Variants in RBFOX1 observed in about 807,000 individuals in gnomAD.
The protein encoded by RBFOX1 is RNA binding protein fox-1 homolog 1.
In RBFOX1, 8 loss-of-function variants were observed where a neutral mutation model predicts 57.7. The observed-to-expected ratio is 0.14, with a 90% confidence interval of 0.08 to 0.25. The LOEUF (loss-of-function observed/expected upper bound fraction) is 0.25. Ranked by LOEUF, RBFOX1 falls within the 10% of genes least tolerant of loss-of-function variation. The pLI is 1.00. For missense variants in RBFOX1, 611 were observed against 548.5 expected (o/e 1.11, Z -1.14); for synonymous variants, 326 against 222.4 (o/e 1.47, Z -4.15).
At chr16:7,218,627 G>GCT (rs774329405) in intron 4 of RBFOX1, among the ~76,000 whole-genome samples, 17,781 of 79,070 alleles carry the variant, frequency 0.22, 2,486 homozygotes, top group African/African-American at 0.44. Context: ...GTGGGGGTTT[G>GCT]CTGTGTGTGT....
intron 1 of RBFOX1, among the ~76,000 whole-genome samples, chr16:5,424,875 T>TTTTCTTTCTTTC (rs71142619): frequency 1.9e-3 from 144 of 76,888 alleles, no homozygotes; most frequent in Middle Eastern, 5.2e-3. Context: ...TCTTTCTTTT[T>TTTTCTTTCTTTC]TTTCTTTCTT....
At chr16:6,591,810 C>T (rs2097715250) in intron 2 of RBFOX1, among the ~76,000 whole-genome samples, 1 of 152,170 alleles carries the variant, frequency 6.6e-6, no homozygotes, top group Admixed American at 6.5e-5. Context: ...TAACAAACCT[C>T]ACTTTTTAAA....
At position 7,007,244 on chromosome 16, in the gene RBFOX1, G is replaced by A. The variant is rs79831884; in HGVS notation, c.-15-44813G>A. Among the ~76,000 whole-genome samples the A allele has an allele frequency of 6.8e-3, 1,030 of 152,210 alleles. 13 individuals are homozygous for A. The highest frequency in any genetic ancestry group is 0.023 in the African/African-American group (971 of 41,514). On this transcript the variant is annotated intron_variant, in intron 3 of 15. Transcript: ENST00000550418. ...GCAGAAGGGCTTCTCTTAGATCCTG[G>A]GAGCTTTTTACGTCCTTTTGTGAAG...
intron 1 of RBFOX1, among the ~76,000 whole-genome samples, chr16:6,157,281 A>C (rs2096845159): frequency 6.6e-6 from 1 of 152,226 alleles, no homozygotes. Context: ...ACAGGTGGCC[A>C]AGGTAAGCCC....
At chr16:7,593,233 T>C (rs980545945) in intron 7 of RBFOX1, among the ~76,000 whole-genome samples, 2 of 152,258 alleles carry the variant, frequency 1.3e-5, no homozygotes, top group Admixed American at 1.3e-4. Flanking sequence ...GGGATTCTAA[T>C]CCAGTGGATA....
At chr16:7,707,370 T>G (rs1568597557) in intron 14 of RBFOX1, among the ~76,000 whole-genome samples, 6 of 151,962 alleles carry the variant, frequency 3.9e-5, no homozygotes. Flanking sequence ...CTACCAACCA[T>G]GAGAAAGCTT....
intron 2 of RBFOX1, among the ~76,000 whole-genome samples, chr16:5,527,231 C>G (rs868379486): frequency 1.3e-5 from 2 of 152,158 alleles, no homozygotes; most frequent in Admixed American, 1.3e-4. Flanking sequence ...GCGATGGGCC[C>G]TGGGAATTCC....
intron 3 of RBFOX1, among the ~76,000 whole-genome samples, chr16:5,718,481 T>A (rs942545622): frequency 6.6e-6 from 1 of 152,260 alleles, no homozygotes; most frequent in African/African-American, 2.4e-5. Context: ...TCTCTTTAGA[T>A]GTGAGCTCCA....
At chr16:6,764,922 G>C (rs767930764) in intron 3 of RBFOX1, among the ~76,000 whole-genome samples, 1 of 152,034 alleles carries the variant, frequency 6.6e-6, no homozygotes, top group Non-Finnish European at 1.5e-5. Flanking sequence ...GGATGACAGA[G>C]CAAGACTGTT....
intron 4 of RBFOX1, among the ~76,000 whole-genome samples, chr16:7,404,182 A>G (rs1050793663): frequency 2.0e-5 from 3 of 151,684 alleles, no homozygotes; most frequent in African/African-American, 4.8e-5. Flanking sequence ...CCTCCTGAGT[A>G]GCTGTGATTA....
chr16:7,342,740 C>A (rs566386446), intron 4 of RBFOX1, among the ~76,000 whole-genome samples: 1 of 151,976 alleles, frequency 6.6e-6, no homozygotes, highest in Non-Finnish European at 1.5e-5. Flanking sequence ...TGGCTCATGG[C>A]TCTGGGTGGT....
At chr16:7,089,244 T>C (rs2151073328) in intron 4 of RBFOX1, among the ~76,000 whole-genome samples, 1 of 152,336 alleles carries the variant, frequency 6.6e-6, no homozygotes, top group Admixed American at 6.5e-5. Context: ...AGCTTGCGTA[T>C]CACGAAAGAG....
intron 3 of RBFOX1, among the ~76,000 whole-genome samples, chr16:6,665,285 A>G (rs960980251): frequency 3.3e-5 from 5 of 151,994 alleles, no homozygotes; most frequent in African/African-American, 1.2e-4. Context: ...CAGCAGTGGG[A>G]TGGGGTCCAG....
At chr16:6,486,352 A>G (rs1008884849) in intron 2 of RBFOX1, among the ~76,000 whole-genome samples, 1 of 152,040 alleles carries the variant, frequency 6.6e-6, no homozygotes, top group African/African-American at 2.4e-5. Flanking sequence ...TAATTTTTAT[A>G]TTAGATTTTG....
chr16:6,197,601 C>A (rs571125625), intron 1 of RBFOX1, among the ~76,000 whole-genome samples: 70 of 152,014 alleles, frequency 4.6e-4, no homozygotes, highest in African/African-American at 1.6e-3. Context: ...CAGTAGAGGA[C>A]CAGGATCACC....
chr16:7,563,760 A>C (rs1440286252), intron 5 of RBFOX1, among the ~76,000 whole-genome samples: 2 of 152,022 alleles, frequency 1.3e-5, no homozygotes, highest in Admixed American at 1.3e-4. Flanking sequence ...GAGCCACCGC[A>C]CCCACTCTAT....
Position 7,396,553 on chromosome 16 carries a change from G to C in RBFOX1, c.28-121594G>C, listed in dbSNP as rs530546368. On this transcript the variant is annotated intron_variant, in intron 4 of 15. Coordinates refer to ENST00000550418, the MANE Select transcript of RBFOX1 (RefSeq NM_018723.4). ...GCTTAATACTCTGCGGACCTCACGT[G>C]CTGAGTTCTCATTCTGGACTTAACG... Among the ~76,000 whole-genome samples the C allele has an allele frequency of 3.9e-5, 6 of 152,240 alleles. No homozygotes were observed. The East Asian group carries it at 7.7e-4, about 20-fold the overall frequency.
At chr16:6,179,415 C>T (rs757188384) in intron 1 of RBFOX1, among the ~76,000 whole-genome samples, 1 of 152,098 alleles carries the variant, frequency 6.6e-6, no homozygotes, top group Non-Finnish European at 1.5e-5. Context: ...TAATTCTGAT[C>T]GTAGAAAAAC....
intron 2 of RBFOX1, among the ~76,000 whole-genome samples, chr16:6,643,619 G>T (rs2098509834): frequency 6.6e-6 from 1 of 152,130 alleles, no homozygotes; most frequent in South Asian, 2.1e-4. Flanking sequence ...TCAAATTCAA[G>T]CACAGTATAT....
Sources: gnomAD v4.1 joint callset for allele counts (sites outside exome capture counted in the v4.1 genomes callset) on GRCh38, gnomAD v4.1.1 for gene constraint, MANE v1.5 for transcripts, NCBI Gene and HGNC (gene_info 2026-07-23, HGNC 2026-07-21) for gene names.